The following CDK14 variants were observed in gnomAD, a reference collection of about 807,000 sequenced individuals.
The protein encoded by CDK14 is cyclin dependent kinase 14.
In CDK14, 34 loss-of-function variants were observed where a neutral mutation model predicts 60.7. The observed-to-expected ratio is 0.56, with a 90% CI of 0.43 to 0.75. CDK14 has a LOEUF of 0.75. Ranked by LOEUF, CDK14 falls within the 30% of genes least tolerant of loss-of-function variation. The pLI, the probability that CDK14 is intolerant of heterozygous loss-of-function variation, is 0.00. For synonymous variants in CDK14, 197 were observed against 203.7 expected (o/e 0.97, Z 0.28); for missense variants, 482 against 564.1 (o/e 0.85, Z 1.47).
At chr7:91,067,304 G>A (rs921569484) in intron 11 of CDK14, among the ~76,000 whole-genome samples, 19 of 152,102 alleles carry the variant, frequency 1.2e-4, no homozygotes, top group African/African-American at 3.1e-4. Flanking sequence ...TGTCATGTTC[G>A]TGGCAGAAAA....
At chr7:90,740,266 T>TAGAGAG (rs200497427) in intron 3 of CDK14, among the ~76,000 whole-genome samples, 10 of 122,206 alleles carry the variant, frequency 8.2e-5, no homozygotes, top group Non-Finnish European at 1.5e-4. Flanking sequence ...TATATATATA[T>TAGAGAG]ATATAGAGAG....
At chr7:90,708,205 C>T (rs148400719) in intron 2 of CDK14, among the ~76,000 whole-genome samples, 113 of 152,176 alleles carry the variant, frequency 7.4e-4, no homozygotes, top group African/African-American at 2.5e-3. Flanking sequence ...ATGCAATTGG[C>T]GTGATTTATC....
At chr7:91,116,859 G>T (rs74390028) in intron 13 of CDK14, among the ~76,000 whole-genome samples, 1,979 of 151,766 alleles carry the variant, frequency 0.013, 89 homozygotes, top group Admixed American at 0.09. Flanking sequence ...ACACTCCTTT[G>T]CTGATTTCTC....
intron 10 of CDK14, among the ~76,000 whole-genome samples, chr7:91,013,656 G>GGTTTTTTTTTTTTTT (rs1562868451): frequency 2.4e-5 from 3 of 123,384 alleles, no homozygotes; most frequent in Non-Finnish European, 1.7e-5. Context: ...CATTGCCTCT[G>GGTTTTTTTTTTTTTT]TTTTTTTTTT....
chr7:90,971,667 A>AG, intron 9 of CDK14, among the ~76,000 whole-genome samples: 1 of 152,134 alleles, frequency 6.6e-6, no homozygotes, highest in East Asian at 1.9e-4. Flanking sequence ...AAAAAAAAAA[A>AG]AAAAGGCAAA....
intron 10 of CDK14, among the ~76,000 whole-genome samples, chr7:91,009,981 C>A (rs1360948211): frequency 1.3e-5 from 2 of 151,982 alleles, no homozygotes; most frequent in African/African-American, 4.8e-5. Flanking sequence ...GATTAAAATT[C>A]CTTTTTAAAT....
intron 4 of CDK14, among the ~76,000 whole-genome samples, chr7:90,768,678 C>T (rs968230572): frequency 2.0e-5 from 3 of 151,832 alleles, no homozygotes; most frequent in African/African-American, 7.3e-5. Context: ...TATAGTATAC[C>T]GATTGGATGC....
At chr7:90,787,135 C>G (rs570739601) in intron 4 of CDK14, among the ~76,000 whole-genome samples, 2 of 152,052 alleles carry the variant, frequency 1.3e-5, no homozygotes, top group African/African-American at 2.4e-5. Context: ...GAGAAAGTCA[C>G]AATGACTCTT....
At chr7:90,665,251 C>T (rs1800950966) in intron 2 of CDK14, among the ~76,000 whole-genome samples, 1 of 151,890 alleles carries the variant, frequency 6.6e-6, no homozygotes, top group Non-Finnish European at 1.5e-5. Context: ...TGCCACTGTA[C>T]TCCAGCCCGG....
At chr7:91,166,787 G>T (rs1374048186) in intron 14 of CDK14, among the ~76,000 whole-genome samples, 1 of 152,216 alleles carries the variant, frequency 6.6e-6, no homozygotes, top group Non-Finnish European at 1.5e-5. Flanking sequence ...CCCAATGTGT[G>T]TCTGAATTGA....
At chr7:91,060,493 C>A (rs370740909) in intron 11 of CDK14, among the ~76,000 whole-genome samples, 1 of 152,158 alleles carries the variant, frequency 6.6e-6, no homozygotes, top group Non-Finnish European at 1.5e-5. Context: ...TTCTTCCTAG[C>A]CTCGATGGTC....
intron 2 of CDK14, among the ~76,000 whole-genome samples, chr7:90,648,181 G>A (rs1208821803): frequency 6.6e-6 from 1 of 152,048 alleles, no homozygotes; most frequent in African/African-American, 2.4e-5. Flanking sequence ...TCAAGATGGC[G>A]GTTGGAGCTG....
chr7:91,187,056 A>T (rs368500657), intron 14 of CDK14, among the ~76,000 whole-genome samples: 17 of 152,374 alleles, frequency 1.1e-4, no homozygotes, highest in African/African-American at 4.1e-4. Context: ...AACAGTACGT[A>T]ATTATGTGCA....
At chr7:90,805,897 G>A (rs1444212037) in intron 5 of CDK14, among the ~76,000 whole-genome samples, 1 of 152,092 alleles carries the variant, frequency 6.6e-6, no homozygotes, top group Non-Finnish European at 1.5e-5. Flanking sequence ...CAGAAACTTT[G>A]TAAAAAGCTA....
intron 2 of CDK14, among the ~76,000 whole-genome samples, chr7:90,682,889 C>A (rs1801349734): frequency 1.3e-5 from 2 of 152,108 alleles, no homozygotes; most frequent in African/African-American, 2.4e-5. Context: ...GTTATGTGTT[C>A]CCAGTGGGAA....
At chr7:90,985,330 A>G (rs1021719766) in intron 10 of CDK14, among the ~76,000 whole-genome samples, 7 of 152,122 alleles carry the variant, frequency 4.6e-5, no homozygotes, top group Non-Finnish European at 1.0e-4. Context: ...CATGGGTGAA[A>G]TGAGGGATAA....
chr7:91,024,275 A>G (rs1426112461), intron 10 of CDK14, among the ~76,000 whole-genome samples: 1 of 152,206 alleles, frequency 6.6e-6, no homozygotes, highest in African/African-American at 2.4e-5. Flanking sequence ...AGTCTTTGTT[A>G]TACCTGTTTT....
chr7:91,020,146 C>A (rs1796397933), intron 10 of CDK14, among the ~76,000 whole-genome samples: 1 of 152,152 alleles, frequency 6.6e-6, no homozygotes, highest in South Asian at 2.1e-4. Flanking sequence ...TGTAACTGCC[C>A]CCTTTTACTT....
At chr7:90,880,838 C>T (rs1290027087) in intron 6 of CDK14, among the ~76,000 whole-genome samples, 2 of 152,120 alleles carry the variant, frequency 1.3e-5, no homozygotes, top group Admixed American at 6.5e-5. Flanking sequence ...GGCAGCCCTA[C>T]AGAAGAGGGA....
Sources: allele counts gnomAD v4.1 joint callset (sites outside exome capture counted in the v4.1 genomes callset), GRCh38; gene constraint gnomAD v4.1.1; transcripts MANE v1.5; gene names NCBI Gene and HGNC (gene_info 2026-07-23, HGNC 2026-07-21).